Variants in COG4 observed in about 807,000 individuals in gnomAD.
COG4 encodes conserved oligomeric Golgi complex subunit 4.
In COG4, 65 loss-of-function variants were observed where a neutral mutation model predicts 95.1. The ratio of observed to expected loss-of-function variants is 0.68; its 90% CI spans 0.56 to 0.84. The LOEUF is 0.84. COG4 is among the 40% of genes least tolerant of loss of function. COG4 has a pLI of 0.00. For synonymous variants in COG4, 421 were observed against 374.8 expected, an observed-to-expected ratio of 1.12 and a Z score of -1.42; for missense variants, 1,045 against 989.1, an observed-to-expected ratio of 1.06 and a Z score of -0.76.
chr16:70,523,276 C>G, intron 1 of COG4, 97 bp downstream of exon 1: 1 of 1,449,696 alleles, frequency 6.9e-7, no homozygotes, highest in Admixed American at 1.7e-5. Flanking sequence ...TTTTTGTATC[C>G]CCCAGCAAGG....
intron 1 of COG4, among the ~76,000 whole-genome samples, chr16:70,521,005 AG>A (rs2049930470): frequency 6.6e-6 from 1 of 152,116 alleles, no homozygotes; most frequent in Non-Finnish European, 1.5e-5. Context: ...TTCCTACCCC[AG>A]CCCCCCAAAT....
At chr16:70,510,086 G>A in intron 5 of COG4, 65 bp from the exon 6 acceptor site, 1 of 1,372,144 alleles carries the variant, frequency 7.3e-7, no homozygotes, top group South Asian at 1.2e-5. Flanking sequence ...GTATATCTCA[G>A]TTTTCCAAAA....
intron 13 of COG4, 118 bp downstream of exon 13, chr16:70,490,212 C>T: frequency 2.3e-6 from 2 of 852,898 alleles, no homozygotes; most frequent in Non-Finnish European, 4.0e-6. Flanking sequence ...CAAAGAATCC[C>T]CTCAAGTGTG....
intron 8 of COG4, among the ~76,000 whole-genome samples, chr16:70,503,124 C>G (rs752437413): frequency 8.5e-5 from 13 of 152,162 alleles, no homozygotes; most frequent in Non-Finnish European, 1.8e-4. Flanking sequence ...AATCACAGCT[C>G]ACTGCAGGCT....
Position 70,514,361 on chromosome 16 carries a change from A to T in COG4, c.518T>A (p.Ile173Asn), listed in dbSNP as rs143304533. ...HRYLCLDKSV[I>N]ELSRQGKEGS... ...CTCTTTGCCCTGTCGGCTGAGCTCA[A>T]TGACCGACTTGTCCAGGCACAAGTA... is the stretch of plus-strand genomic sequence containing the variant. The change falls in exon 4 of 19, where the codon ATT becomes AAT. Residue 173 changes from isoleucine to asparagine, a missense_variant. Physicochemically the swap from Ile to Asn is moderately radical, Grantham distance 149 (BLOSUM62 -3). Coordinates refer to ENST00000323786, the MANE Select transcript of COG4 (RefSeq NM_015386.3). The T allele has an allele frequency of 1.2e-6, 2 of 1,614,112 alleles. No homozygotes were observed. The highest frequency in any genetic ancestry group is 8.5e-7 in the Non-Finnish European group (1 of 1,180,046).
intron 12 of COG4, 70 bp downstream of exon 12, chr16:70,496,196 T>C: frequency 6.5e-7 from 1 of 1,536,984 alleles, no homozygotes. Flanking sequence ...CCAATTATAC[T>C]GTGGCTTAGC....
intron 15 of COG4, 87 bp downstream of exon 15, chr16:70,482,642 A>G (rs1010359394): frequency 2.3e-5 from 24 of 1,051,962 alleles, no homozygotes; most frequent in Non-Finnish European, 3.3e-5. Flanking sequence ...TGGAAGGTCT[A>G]GTCTGTTCAG....
At chr16:70,517,544 T>C in intron 3 of COG4, 82 bp downstream of exon 3, 1 of 795,612 alleles carries the variant, frequency 1.3e-6, no homozygotes, top group South Asian at 1.5e-5. Flanking sequence ...GCTGTCATTG[T>C]ACCACTGTAC....
chr16:70,502,996 A>G (rs376231981), intron 8 of COG4, among the ~76,000 whole-genome samples: 2 of 152,338 alleles, frequency 1.3e-5, no homozygotes, highest in East Asian at 3.9e-4. Flanking sequence ...CCTACCTCAC[A>G]TAATATAAAA....
Position 70,483,979 on chromosome 16 carries a change from A to G in COG4, c.1711-10T>C, listed in dbSNP as rs375556502. ...GCTTGGTGCAGTCACTCTAGGGGAGAACACTGCTGTAAGACCACCGAGCAC... is the reference window on the plus strand; with the variant it reads ...GCTTGGTGCAGTCACTCTAGGGGAGGACACTGCTGTAAGACCACCGAGCAC... On this transcript the variant is annotated splice_polypyrimidine_tract_variant and intron_variant, in intron 13 of 18. Transcript: ENST00000323786. The G allele has an allele frequency of 2.4e-5, 39 of 1,598,242 alleles. No homozygotes were observed. Among genetic ancestry groups the G allele is most frequent in the Non-Finnish European group, 2.9e-5 (34 of 1,168,760 alleles).
intron 8 of COG4, among the ~76,000 whole-genome samples, chr16:70,506,601 AAAAAAAAAAAAAAAAAC>A (rs1194707420): frequency 2.8e-4 from 28 of 100,442 alleles, no homozygotes; most frequent in African/African-American, 5.1e-4. Flanking sequence ...CTCAAAAAAA[AAAAAAAAAAAAAAAAAC>A]AAAAAAAAAA....
At chr16:70,492,855 T>TG (rs1165341932) in intron 12 of COG4, among the ~76,000 whole-genome samples, 3 of 151,206 alleles carry the variant, frequency 2.0e-5, no homozygotes, top group Admixed American at 6.6e-5. Context: ...CCCAGCTACT[T>TG]GGGGGGCTGA....
At chr16:70,500,459 C>A (rs2049426056) in intron 9 of COG4, among the ~76,000 whole-genome samples, 1 of 146,792 alleles carries the variant, frequency 6.8e-6, no homozygotes, top group East Asian at 2.0e-4. Flanking sequence ...CCCCAGGGTT[C>A]AAGCAATTCT....
chr16:70,492,954 ACTCCAT>A (rs2049274753), intron 12 of COG4, among the ~76,000 whole-genome samples: 1 of 151,760 alleles, frequency 6.6e-6, no homozygotes, highest in South Asian at 2.1e-4. Flanking sequence ...CAAGAACGAA[ACTCCAT>A]CTCCAAAAAA....
intron 9 of COG4, 67 bp downstream of exon 9, chr16:70,500,891 C>T (rs1027766506): frequency 1.3e-6 from 2 of 1,587,200 alleles, no homozygotes; most frequent in Admixed American, 1.7e-5. Context: ...AGATTTGTGG[C>T]TTAACTATTA....
chr16:70,482,926 TCTC>T lies in COG4; in HGVS notation c.1828-108_1828-106del, dbSNP rs1432443729. 9.4e-5 allele frequency: 77 copies of T among 819,884 alleles called. No individual in the cohort carries two copies. The Middle Eastern group carries it at 1.1e-3, about 11-fold the overall frequency. The allele number at this position is 819,884 out of a possible 1,614,324, so 50.8% of individuals were successfully genotyped here. ...CTCTATCCTCTCCCCATCCCTTTCC[TCTC>T]CTCTCCCCATCCCTTCCTTCTCTCC... On this transcript the variant is annotated intron_variant, in intron 14 of 18. Coordinates refer to ENST00000323786, the MANE Select transcript of COG4 (RefSeq NM_015386.3).
At chr16:70,511,498 T>A (rs1185668609) in intron 5 of COG4, among the ~76,000 whole-genome samples, 1 of 151,616 alleles carries the variant, frequency 6.6e-6, no homozygotes, top group African/African-American at 2.4e-5. Context: ...GAGGACTGCT[T>A]GAGGCCAGGA....
chr16:70,486,191 A>G (rs371103186), intron 13 of COG4, among the ~76,000 whole-genome samples: 24 of 152,116 alleles, frequency 1.6e-4, no homozygotes, highest in East Asian at 7.7e-4. Context: ...CACCGCGCCC[A>G]GCCCAGAATG....
chr16:70,486,441 T>C (rs2151742067), intron 13 of COG4, among the ~76,000 whole-genome samples: 1 of 152,312 alleles, frequency 6.6e-6, no homozygotes, highest in South Asian at 2.1e-4. Flanking sequence ...AGTAGTCTTG[T>C]AACCTTCCCT....
Sources: allele counts gnomAD v4.1 joint callset (sites outside exome capture counted in the v4.1 genomes callset), GRCh38; gene constraint gnomAD v4.1.1; transcripts MANE v1.5; gene names NCBI Gene and HGNC (gene_info 2026-07-23, HGNC 2026-07-21).